Variants in ROBO2 observed in about 807,000 individuals in gnomAD.
ROBO2 encodes the protein roundabout guidance receptor 2, also known as roundabout homolog 2.
In ROBO2, 53 loss-of-function variants were observed where a neutral mutation model predicts 160.8. The ratio of observed to expected loss-of-function variants is 0.33; its 90% CI spans 0.26 to 0.41. ROBO2 has a LOEUF of 0.41. ROBO2 is among the 10% of genes least tolerant of loss of function. The probability of loss-of-function intolerance (pLI) is 1.00; values close to 1 mark genes in which losing one functional copy is unlikely to be tolerated. For synonymous variants in ROBO2, 664 were observed against 611.7 expected (o/e 1.09, Z -1.26); for missense variants, 1,577 against 1,722.4 (o/e 0.92, Z 1.49).
chr3:77,492,405 T>A (rs1455555476), intron 4 of ROBO2, among the ~76,000 whole-genome samples: 2 of 152,160 alleles, frequency 1.3e-5, no homozygotes, highest in Admixed American at 1.3e-4. Flanking sequence ...AAAAGATTTT[T>A]ATGGATACAG....
In ROBO2 at chr3:76,273,669, T is replaced by TCATCATGAGAACACACTCAC. The variant is rs1559708154; in HGVS notation, c.109+336079_109+336080insACACTCACCATCATGAGAAC. ...ACTCACGATCATGAGAACTCACTCA[T>TCATCATGAGAACACACTCAC]CATCATGAGAACTCACTCACCATCA... On this transcript the variant is annotated intron_variant, in intron 2 of 26. Transcript: ENST00000487694. Among the ~76,000 whole-genome samples, 47 of 152,058 alleles carry TCATCATGAGAACACACTCAC rather than the reference T, an allele frequency of 3.1e-4. No individual in the cohort carries two copies. The Middle Eastern group carries it at 0.01, about 33-fold the overall frequency.
intron 2 of ROBO2, among the ~76,000 whole-genome samples, chr3:77,267,022 A>G (rs112060514): frequency 0.026 from 3,999 of 152,264 alleles, 57 homozygotes; most frequent in Middle Eastern, 0.041. Context: ...TGGGTTATCG[A>G]CAGCTAGACA....
rs1321228216 is a variant in ROBO2 at position 77,315,407 on chromosome 3, T to G, written c.389-162007T>G. Among the ~76,000 whole-genome samples the G allele has an allele frequency of 2.6e-5, 4 of 152,240 alleles. No individual in the cohort carries two copies. The East Asian group carries it at 7.7e-4, about 29-fold the overall frequency. On this transcript the variant is annotated intron_variant, in intron 2 of 25. Transcript: ENST00000461745. The stretch of plus-strand genomic sequence containing the variant: ...GAATTCCAACAAGTCTGGGCTTTAC[T>G]TAATCAAATTTTACAGCATTGGACC...
intron 2 of ROBO2, among the ~76,000 whole-genome samples, chr3:77,025,120 A>T (rs888163422): frequency 2.0e-5 from 3 of 152,170 alleles, no homozygotes; most frequent in Non-Finnish European, 4.4e-5. Flanking sequence ...GTCTAAGGGA[A>T]GTCACCCTAA....
rs147205203 is a variant in ROBO2, at chr3:77,096,746, G to A, written c.62-1268G>A. Among the ~76,000 whole-genome samples the A allele has an allele frequency of 3.8e-3, 578 of 152,118 alleles. 6 individuals are homozygous for A. Among genetic ancestry groups the A allele is most frequent in the African/African-American group, 0.013 (540 of 41,518 alleles). On this transcript the variant is annotated intron_variant, in intron 1 of 25. Transcript: ENST00000461745. ...ATTACAGGTGTGAGCCACCGTGCCC[G>A]GCCTCTCTTTCGATTTCTTACGCCC...
chr3:76,284,084 CT>C (rs1456825315), intron 2 of ROBO2, among the ~76,000 whole-genome samples: 1 of 151,908 alleles, frequency 6.6e-6, no homozygotes, highest in Non-Finnish European at 1.5e-5. Flanking sequence ...TATCCTTATC[CT>C]TATTTTTCCA....
intron 2 of ROBO2, among the ~76,000 whole-genome samples, chr3:76,576,196 T>C (rs1034434412): frequency 1.3e-5 from 2 of 152,160 alleles, no homozygotes; most frequent in Admixed American, 6.6e-5. Flanking sequence ...TCATGTTAAC[T>C]TTTGTTGAAT....
At chr3:75,922,174 A>G (rs922042395) in intron 1 of ROBO2, among the ~76,000 whole-genome samples, 11 of 152,198 alleles carry the variant, frequency 7.2e-5, no homozygotes, top group African/African-American at 2.4e-4. Flanking sequence ...GGTTCATAAA[A>G]TGGTGTTCAG....
chr3:76,587,816 C>T (rs1356542953), intron 2 of ROBO2, among the ~76,000 whole-genome samples: 1 of 152,184 alleles, frequency 6.6e-6, no homozygotes, highest in Non-Finnish European at 1.5e-5. Flanking sequence ...ATTTTACACT[C>T]TCTTTACTCA....
At chr3:77,052,787 T>C (rs2065348678) in intron 1 of ROBO2, among the ~76,000 whole-genome samples, 1 of 152,178 alleles carries the variant, frequency 6.6e-6, no homozygotes. Context: ...TTCAGAATGT[T>C]ATCTAGGCAG....
intron 2 of ROBO2, among the ~76,000 whole-genome samples, chr3:76,662,938 A>G (rs796388193): frequency 6.3e-4 from 96 of 152,342 alleles, no homozygotes; most frequent in African/African-American, 2.1e-3. Context: ...AGGGAAATGC[A>G]GAAAAATCTG....
At chr3:76,384,023 C>T (rs1483422774) in intron 2 of ROBO2, among the ~76,000 whole-genome samples, 4 of 152,172 alleles carry the variant, frequency 2.6e-5, no homozygotes, top group Non-Finnish European at 5.9e-5. Context: ...TGCAGAAGAG[C>T]GTCCCTGATA....
intron 2 of ROBO2, among the ~76,000 whole-genome samples, chr3:77,103,119 A>C (rs544329910): frequency 2.8e-4 from 43 of 152,214 alleles, no homozygotes; most frequent in African/African-American, 1.0e-3. Context: ...GTCCTCACAG[A>C]GATTGTAGCT....
At chr3:76,098,966 G>A (rs1235180059) in intron 2 of ROBO2, among the ~76,000 whole-genome samples, 4 of 152,132 alleles carry the variant, frequency 2.6e-5, no homozygotes, top group African/African-American at 9.7e-5. Context: ...ACTCAGTGCT[G>A]TGGGGCAAGT....
intron 2 of ROBO2, among the ~76,000 whole-genome samples, chr3:76,162,467 C>T (rs1266540751): frequency 6.6e-6 from 1 of 152,036 alleles, no homozygotes; most frequent in Non-Finnish European, 1.5e-5. Flanking sequence ...CCACCATGCC[C>T]AGCTAATTTT....
At chr3:77,082,413 C>T (rs1374915241) in intron 1 of ROBO2, among the ~76,000 whole-genome samples, 2 of 152,046 alleles carry the variant, frequency 1.3e-5, no homozygotes, top group Non-Finnish European at 1.5e-5. Flanking sequence ...GGATTATGCT[C>T]TTAGCCCTGC....
intron 2 of ROBO2, among the ~76,000 whole-genome samples, chr3:76,835,845 C>T (rs2067645748): frequency 6.6e-6 from 1 of 151,908 alleles, no homozygotes; most frequent in Non-Finnish European, 1.5e-5. Flanking sequence ...ATTCTAAAAG[C>T]CAAGACCATG....
chr3:77,396,265 G>GA (rs1207796033), intron 2 of ROBO2, among the ~76,000 whole-genome samples: 2 of 151,970 alleles, frequency 1.3e-5, no homozygotes, highest in Non-Finnish European at 2.9e-5. Flanking sequence ...ATAATTTGTA[G>GA]AAAAACTAGA....
At chr3:77,475,498 C>G (rs2083893050) in intron 2 of ROBO2, among the ~76,000 whole-genome samples, 1 of 152,150 alleles carries the variant, frequency 6.6e-6, no homozygotes, top group Non-Finnish European at 1.5e-5. Context: ...TTAGGTACTA[C>G]TTGTGCTTAG....
Sources: allele counts gnomAD v4.1 joint callset (sites outside exome capture counted in the v4.1 genomes callset), GRCh38; gene constraint gnomAD v4.1.1; transcripts MANE v1.5; gene names NCBI Gene and HGNC (gene_info 2026-07-23, HGNC 2026-07-21).